MIR2052HG: variants seen among roughly 807,000 people sequenced by gnomAD.
The protein encoded by MIR2052HG is MIR2052 host gene.
chr8:74,757,780 G>C (rs1168752482), intron 5 of MIR2052HG: 1 of 151,928 alleles, frequency 6.6e-6, no homozygotes, highest in Non-Finnish European at 1.5e-5. Context: ...TCCTTGCTTG[G>C]GTGCAAGGTT....
At chr8:74,634,147 C>T (rs1393825509) in intron 2 of MIR2052HG, among the ~76,000 whole-genome samples, 3 of 152,058 alleles carry the variant, frequency 2.0e-5, no homozygotes, top group African/African-American at 7.2e-5. Context: ...TTTAGGCTTC[C>T]TGAAATGTAG....
intron 2 of MIR2052HG, among the ~76,000 whole-genome samples, chr8:74,674,006 T>C (rs1809023237): frequency 6.6e-6 from 1 of 151,004 alleles, no homozygotes; most frequent in Non-Finnish European, 1.5e-5. Flanking sequence ...TTTTATGTTT[T>C]TTTTTAAACA....
chr8:74,628,295 G>A (rs1181912251), intron 2 of MIR2052HG, among the ~76,000 whole-genome samples: 4 of 152,106 alleles, frequency 2.6e-5, no homozygotes, highest in Non-Finnish European at 5.9e-5. Flanking sequence ...CTAAACATTC[G>A]TTCAAGGGCT....
At chr8:74,724,352 G>C (rs1000247346) in intron 4 of MIR2052HG, among the ~76,000 whole-genome samples, 3 of 152,100 alleles carry the variant, frequency 2.0e-5, no homozygotes, top group African/African-American at 7.2e-5. Context: ...GGAACTTAAA[G>C]TAATTTAAAG....
At chr8:74,707,896 C>T (rs1393354385) in intron 4 of MIR2052HG, among the ~76,000 whole-genome samples, 1 of 151,952 alleles carries the variant, frequency 6.6e-6, no homozygotes, top group Non-Finnish European at 1.5e-5. Context: ...ACAAAGGCAC[C>T]CAGGAGGTGC....
intron 4 of MIR2052HG, among the ~76,000 whole-genome samples, chr8:74,730,878 G>A (rs1374751672): frequency 1.3e-5 from 2 of 152,156 alleles, no homozygotes; most frequent in East Asian, 3.9e-4. Context: ...ATATATACAG[G>A]ATCTTGGGCG....
rs1455236852 is a variant in MIR2052HG, at chr8:74,713,228, A to C, written n.371+9546A>C. ...AATGGTGTTATAATTTGAAATGCAAAGCTTCAAAAATATATCTTGAATTTG... is the reference window on the plus strand; with the variant it reads ...AATGGTGTTATAATTTGAAATGCAACGCTTCAAAAATATATCTTGAATTTG... On this transcript the variant is annotated intron_variant and non_coding_transcript_variant, in intron 4 of 6. Transcript: ENST00000523442. Among the ~76,000 whole-genome samples, 6 of 152,342 alleles carry C rather than the reference A, an allele frequency of 3.9e-5. No homozygotes were observed. In the East Asian group the frequency reaches 9.6e-4, roughly 24 times the overall value.
intron 1 of MIR2052HG, among the ~76,000 whole-genome samples, chr8:74,606,330 G>T (rs1390698196): frequency 1.3e-5 from 2 of 152,236 alleles, no homozygotes; most frequent in Admixed American, 1.3e-4. Flanking sequence ...AGTCTGTCTG[G>T]CTCTCTTAGC....
intron 2 of MIR2052HG, among the ~76,000 whole-genome samples, chr8:74,633,555 T>C (rs1808545819): frequency 6.6e-6 from 1 of 152,254 alleles, no homozygotes; most frequent in Admixed American, 6.5e-5. Context: ...CCTTGCTAAA[T>C]GACGGCAGAG....
chr8:74,638,182 G>A (rs992924388), intron 2 of MIR2052HG, among the ~76,000 whole-genome samples: 2 of 152,152 alleles, frequency 1.3e-5, no homozygotes, highest in African/African-American at 4.8e-5. Flanking sequence ...GATAGAGAGA[G>A]AACAGCACAC....
intron 4 of MIR2052HG, among the ~76,000 whole-genome samples, chr8:74,742,420 T>A (rs550301218): frequency 1.3e-5 from 2 of 152,320 alleles, no homozygotes; most frequent in South Asian, 4.1e-4. Context: ...TTAAACAGGT[T>A]ATCTACTTTT....
At chr8:74,631,149 CTA>C (rs969513490) in intron 2 of MIR2052HG, among the ~76,000 whole-genome samples, 4 of 152,312 alleles carry the variant, frequency 2.6e-5, no homozygotes, top group African/African-American at 9.6e-5. Context: ...TGCTCAGAGT[CTA>C]TGCCCACCTC....
chr8:74,651,167 G>T, intron 2 of MIR2052HG, among the ~76,000 whole-genome samples: 1 of 143,912 alleles, frequency 6.9e-6, no homozygotes, highest in African/African-American at 2.6e-5. Context: ...TTTCAATTCT[G>T]TGTTACATAA....
chr8:74,658,036 T>C (rs1219011946), intron 2 of MIR2052HG, among the ~76,000 whole-genome samples: 3 of 152,234 alleles, frequency 2.0e-5, no homozygotes, highest in African/African-American at 4.8e-5. Flanking sequence ...AATCATGTTA[T>C]TTCCTGAACA....
At chr8:74,603,792 G>A (rs879184156) in intron 1 of MIR2052HG, 33 of 843,468 alleles carry the variant, frequency 3.9e-5, no homozygotes, top group South Asian at 5.3e-5. Context: ...TGGATTGTGG[G>A]ATGCCAGCAA....
intron 4 of MIR2052HG, among the ~76,000 whole-genome samples, chr8:74,746,567 AGTGT>A (rs72103010): frequency 0.04 from 5,918 of 147,500 alleles, 141 homozygotes; most frequent in Non-Finnish European, 0.05. Context: ...GAGGAGAAGA[AGTGT>A]GTGTGTGTGT....
At chr8:74,679,684 G>A (rs535012905) in intron 2 of MIR2052HG, among the ~76,000 whole-genome samples, 37 of 151,598 alleles carry the variant, frequency 2.4e-4, no homozygotes, top group Admixed American at 7.2e-4. Context: ...CACCACACCC[G>A]GCTAAATTTT....
chr8:74,614,750 A>G (rs1808253993), intron 2 of MIR2052HG, among the ~76,000 whole-genome samples: 1 of 152,034 alleles, frequency 6.6e-6, no homozygotes, highest in South Asian at 2.1e-4. Context: ...GCATATTTTA[A>G]CAATAGGAAT....
chr8:74,731,462 A>T (rs1809691823), intron 4 of MIR2052HG, among the ~76,000 whole-genome samples: 1 of 152,174 alleles, frequency 6.6e-6, no homozygotes, highest in Non-Finnish European at 1.5e-5. Context: ...ATACACAGAC[A>T]TGGAATTCCA....
Sources: gnomAD v4.1 joint callset for allele counts (sites outside exome capture counted in the v4.1 genomes callset) on GRCh38, gnomAD v4.1.1 for gene constraint, MANE v1.5 for transcripts, NCBI Gene and HGNC (gene_info 2026-07-23, HGNC 2026-07-21) for gene names.